The following CERS4 variants were observed in gnomAD, a reference collection of about 807,000 sequenced individuals.
CERS4 encodes ceramide synthase 4, also known as LAG1 homolog, ceramide synthase 4.
CERS4 carries 65 observed loss-of-function variants against 51.8 expected under a neutral mutation model. That is an observed-to-expected ratio of 1.26 (90% CI 1.03 to 1.54). CERS4 has a LOEUF of 1.54. CERS4 is among the 40% of genes most tolerant of loss of function. The pLI, the probability that CERS4 is intolerant of heterozygous loss-of-function variation, is 0.00. For missense variants in CERS4, 563 were observed against 500.4 expected, an observed-to-expected ratio of 1.13 and a Z score of -1.19; for synonymous variants, 228 against 208.4, an observed-to-expected ratio of 1.09 and a Z score of -0.81.
intron 9 of CERS4, 30 bp from the exon 10 acceptor site, chr19:8,257,849 G>T (rs148417916): frequency 0.037 from 58,789 of 1,571,544 alleles, 1,352 homozygotes; most frequent in Middle Eastern, 0.073. Flanking sequence ...CCCTGGTCCT[G>T]AGCCCATTTC....
At chr19:8,256,532 G>A in intron 7 of CERS4, 86 bp from the exon 8 acceptor site, 1 of 1,296,474 alleles carries the variant, frequency 7.7e-7, no homozygotes, top group Non-Finnish European at 1.1e-6. Context: ...TCCTGGTTTT[G>A]AGCAAACGGA....
At chr19:8,243,819 C>A (rs887306572) in intron 2 of CERS4, among the ~76,000 whole-genome samples, 1 of 151,576 alleles carries the variant, frequency 6.6e-6, no homozygotes, top group African/African-American at 2.4e-5. Context: ...CTCCTCCACA[C>A]GCCCACGGGA....
chr19:8,257,596 A>G (rs1969463457), intron 9 of CERS4, among the ~76,000 whole-genome samples: 1 of 151,962 alleles, frequency 6.6e-6, no homozygotes, highest in Non-Finnish European at 1.5e-5. Context: ...ATGCCAGCTA[A>G]CTTTTGTATT....
At chr19:8,258,024 G>A (rs1443807834) in intron 10 of CERS4, 39 bp downstream of exon 10, 12 of 1,499,446 alleles carry the variant, frequency 8.0e-6, no homozygotes, top group Non-Finnish European at 1.0e-5. Context: ...GAGGTGGGAG[G>A]GCGTGTCTGA....
At chr19:8,223,296 C>A (rs775554746) in intron 2 of CERS4, among the ~76,000 whole-genome samples, 1 of 151,418 alleles carries the variant, frequency 6.6e-6, no homozygotes, top group Non-Finnish European at 1.5e-5. Flanking sequence ...ATAGTGAGAC[C>A]TGGTCTCTAC....
chr19:8,235,249 T>C (rs1301400144), intron 2 of CERS4, among the ~76,000 whole-genome samples: 1 of 151,412 alleles, frequency 6.6e-6, no homozygotes, highest in Non-Finnish European at 1.5e-5. Context: ...CCTCGTGATC[T>C]GCCCCCCTCA....
intron 2 of CERS4, among the ~76,000 whole-genome samples, chr19:8,239,136 T>G (rs370788974): frequency 1.9e-3 from 289 of 151,714 alleles, no homozygotes; most frequent in Middle Eastern, 0.01. Flanking sequence ...GTGTGGTGGC[T>G]CACACCTGTA....
chr19:8,218,100 G>A (rs1350110406), intron 2 of CERS4, among the ~76,000 whole-genome samples: 1 of 152,154 alleles, frequency 6.6e-6, no homozygotes, highest in Non-Finnish European at 1.5e-5. Flanking sequence ...AAGTAACTGG[G>A]ATTACAGGCA....
At chr19:8,254,883 C>G (rs34400532) in intron 4 of CERS4, among the ~76,000 whole-genome samples, 4,970 of 152,134 alleles carry the variant, frequency 0.033, 121 homozygotes, top group Non-Finnish European at 0.043. Flanking sequence ...GGACCCCCCC[C>G]TTCCCAGCCT....
chr19:8,252,427 A>C (rs1400593388), intron 3 of CERS4, among the ~76,000 whole-genome samples: 1 of 104,940 alleles, frequency 9.5e-6, no homozygotes, highest in South Asian at 3.5e-4. Flanking sequence ...TAGGCATGCC[A>C]CCATGGCTGG....
rs185086388 is a variant in CERS4 at position 8,222,769 on chromosome 19, A to G, written c.-2+11907A>G. On this transcript the variant is annotated intron_variant, in intron 2 of 11. Transcript: ENST00000251363. ...CGCCTCGGCCTCCCAAAATGCTGAG[A>G]TTACAGGTGTCAGCCACTGTGCCTG... 2.7e-3 allele frequency among the ~76,000 whole-genome samples: 407 copies of G among 152,114 alleles called. 1 individual carries two copies. The highest frequency in any genetic ancestry group is 9.6e-3 in the African/African-American group (397 of 41,504).
At chr19:8,251,038 T>G in intron 2 of CERS4, 38 bp from the exon 3 acceptor site, 2 of 1,540,960 alleles carry the variant, frequency 1.3e-6, no homozygotes, top group South Asian at 2.5e-5. Context: ...CCCATTCTGC[T>G]TGCAGACCTC....
rs114817751 is a variant in CERS4 at position 8,218,766 on chromosome 19, T to C, written c.-2+7904T>C. On this transcript the variant is annotated intron_variant, in intron 2 of 11. Transcript: ENST00000251363. ...CCTCCAGTTACACAAACACCTCCGGTCCTTAAAGGGACGATAGGTAGCCTC... is the reference window on the plus strand; with the variant it reads ...CCTCCAGTTACACAAACACCTCCGGCCCTTAAAGGGACGATAGGTAGCCTC... 2.5e-3 allele frequency among the ~76,000 whole-genome samples: 387 copies of C among 152,228 alleles called. 1 individual carries two copies. The highest frequency in any genetic ancestry group is 8.9e-3 in the African/African-American group (370 of 41,558).
intron 3 of CERS4, among the ~76,000 whole-genome samples, chr19:8,253,449 CTTTT>C (rs35212733): frequency 3.7e-3 from 275 of 74,072 alleles, no homozygotes; most frequent in Middle Eastern, 9.6e-3. Flanking sequence ...GTCCAGCTGC[CTTTT>C]TTTTTTTTTT....
intron 10 of CERS4, among the ~76,000 whole-genome samples, chr19:8,260,586 G>A (rs887054356): frequency 4.6e-5 from 7 of 151,858 alleles, no homozygotes; most frequent in East Asian, 1.9e-4. Context: ...GAGGGGCAGA[G>A]TAAAGAGTGA....
chr19:8,218,599 A>G (rs1336083097), intron 2 of CERS4, among the ~76,000 whole-genome samples: 1 of 152,126 alleles, frequency 6.6e-6, no homozygotes, highest in Non-Finnish European at 1.5e-5. Flanking sequence ...GTCAGGAGCC[A>G]TGGGGAGCCT....
chr19:8,251,205 G>GC lies in CERS4; in HGVS notation c.133dup (p.Leu45ProfsTer13), dbSNP rs954270812. On this transcript the variant is annotated frameshift_variant, in exon 3 of 12. Coordinates refer to ENST00000251363, the MANE Select transcript of CERS4 (RefSeq NM_024552.3). LOFTEE classifies it high-confidence loss of function. ...ACCCCCAGGACTTGTTGGCAGCCCTGCCCCTGGCGCTGGTCCTCCTGGCCA... is the reference window on the plus strand; with the variant it reads ...ACCCCCAGGACTTGTTGGCAGCCCTGCCCCCTGGCGCTGGTCCTCCTGGCCA... 20 of 1,612,274 alleles carry GC rather than the reference G, an allele frequency of 1.2e-5. No homozygotes were observed. The highest frequency in any genetic ancestry group is 1.7e-5 in the Non-Finnish European group (20 of 1,179,380).
chr19:8,222,476 G>A (rs1967607714), intron 2 of CERS4, among the ~76,000 whole-genome samples: 1 of 151,924 alleles, frequency 6.6e-6, no homozygotes, highest in Admixed American at 6.6e-5. Flanking sequence ...CACTGTGCCT[G>A]GCCAGCATGA....
At chr19:8,232,029 T>G (rs1968034400) in intron 2 of CERS4, among the ~76,000 whole-genome samples, 1 of 150,588 alleles carries the variant, frequency 6.6e-6, no homozygotes, top group Admixed American at 6.7e-5. Flanking sequence ...AGGGTCTCAC[T>G]ATCTTGCCAA....
Sources: gnomAD v4.1 joint callset for allele counts (sites outside exome capture counted in the v4.1 genomes callset) on GRCh38, gnomAD v4.1.1 for gene constraint, MANE v1.5 for transcripts, NCBI Gene and HGNC (gene_info 2026-07-23, HGNC 2026-07-21) for gene names.